Variants in SPATA16 observed in about 807,000 individuals in gnomAD.
SPATA16 encodes spermatogenesis-associated protein 16.
In SPATA16, 36 loss-of-function variants were observed where a neutral mutation model predicts 63.3. That is an observed-to-expected ratio of 0.57 (90% CI 0.44 to 0.75). The LOEUF (loss-of-function observed/expected upper bound fraction) is 0.75. SPATA16 is among the 30% of genes least tolerant of loss of function. The pLI, the probability that SPATA16 is intolerant of heterozygous loss-of-function variation, is 0.00. For missense variants in SPATA16, 646 were observed against 679.3 expected, an observed-to-expected ratio of 0.95 and a Z score of 0.54; for synonymous variants, 203 against 216.7, an observed-to-expected ratio of 0.94 and a Z score of 0.56.
At chr3:173,036,117 T>C (rs544593283) in intron 3 of SPATA16, among the ~76,000 whole-genome samples, 4 of 152,154 alleles carry the variant, frequency 2.6e-5, no homozygotes, top group African/African-American at 9.6e-5. Context: ...ATTGTTTACA[T>C]TTGTGAGCTG....
intron 2 of SPATA16, among the ~76,000 whole-genome samples, chr3:173,078,151 T>A (rs1224876473): frequency 6.6e-6 from 1 of 152,168 alleles, no homozygotes; most frequent in Non-Finnish European, 1.5e-5. Context: ...TAAAAAAAAT[T>A]GGGCTTGAGA....
intron 8 of SPATA16, among the ~76,000 whole-genome samples, chr3:172,917,311 A>G (rs1355224841): frequency 6.6e-6 from 1 of 152,238 alleles, no homozygotes; most frequent in Non-Finnish European, 1.5e-5. Flanking sequence ...TATCTTTAAG[A>G]AAAAGTACTT....
chr3:172,921,661 G>T (rs1732617763), intron 8 of SPATA16, among the ~76,000 whole-genome samples: 1 of 152,068 alleles, frequency 6.6e-6, no homozygotes, highest in African/African-American at 2.4e-5. Context: ...AAAAAAGAAG[G>T]TCTGTAAAAC....
intron 5 of SPATA16, among the ~76,000 whole-genome samples, chr3:172,964,354 A>G (rs983430257): frequency 1.3e-5 from 2 of 152,214 alleles, no homozygotes; most frequent in African/African-American, 4.8e-5. Context: ...TAGACCCTGA[A>G]TAATTTTCTG....
intron 8 of SPATA16, among the ~76,000 whole-genome samples, chr3:172,922,914 T>C (rs1732645070): frequency 6.6e-6 from 1 of 151,754 alleles, no homozygotes. Flanking sequence ...AGGGTGAGAC[T>C]CTGCCTCAAA....
intron 3 of SPATA16, among the ~76,000 whole-genome samples, chr3:173,034,701 A>G (rs1480772817): frequency 6.6e-6 from 1 of 152,176 alleles, no homozygotes; most frequent in African/African-American, 2.4e-5. Flanking sequence ...CAGCCCAGCT[A>G]AACCACCAGG....
At chr3:173,085,607 A>C (rs1577166700) in intron 2 of SPATA16, among the ~76,000 whole-genome samples, 3 of 152,080 alleles carry the variant, frequency 2.0e-5, no homozygotes. Context: ...TTTCAAGGGG[A>C]ATGCTTCCAG....
intron 4 of SPATA16, among the ~76,000 whole-genome samples, chr3:172,986,951 A>G (rs552056501): frequency 1.3e-5 from 2 of 152,342 alleles, no homozygotes; most frequent in Non-Finnish European, 2.9e-5. Context: ...GGACAAAGTC[A>G]ACTAACAAGG....
chr3:172,940,364 A>G (rs1245621752), intron 6 of SPATA16, among the ~76,000 whole-genome samples: 1 of 152,334 alleles, frequency 6.6e-6, no homozygotes, highest in Admixed American at 6.5e-5. Context: ...TCAGAATTGA[A>G]TTGAATCTTT....
chr3:172,891,485 C>T (rs1186441876), intron 10 of SPATA16, among the ~76,000 whole-genome samples: 5 of 152,212 alleles, frequency 3.3e-5, no homozygotes, highest in Non-Finnish European at 7.3e-5. Context: ...CCTACCTGGC[C>T]TGTCTCCCTC....
At chr3:173,100,385 G>C (rs1441686384) in intron 2 of SPATA16, among the ~76,000 whole-genome samples, 1 of 151,930 alleles carries the variant, frequency 6.6e-6, no homozygotes, top group African/African-American at 2.4e-5. Flanking sequence ...ATTGCTGAAT[G>C]AAATTTTAAA....
intron 2 of SPATA16, among the ~76,000 whole-genome samples, chr3:173,077,699 A>C (rs1462958912): frequency 6.6e-6 from 1 of 152,212 alleles, no homozygotes; most frequent in African/African-American, 2.4e-5. Context: ...TCTCTCACCA[A>C]CTAATACCCT....
chr3:173,056,286 TTTTG>T (rs765259641), intron 2 of SPATA16, among the ~76,000 whole-genome samples: 23 of 152,340 alleles, frequency 1.5e-4, no homozygotes, highest in Non-Finnish European at 2.9e-4. Context: ...TCATTTTTGT[TTTTG>T]TTTTTCTTAA....
intron 2 of SPATA16, among the ~76,000 whole-genome samples, chr3:173,100,279 C>T (rs749425409): frequency 6.6e-6 from 1 of 151,994 alleles, no homozygotes; most frequent in South Asian, 2.1e-4. Context: ...TTTTCATAAC[C>T]CAAATAAGTA....
chr3:173,101,914 C>A (rs527422471), intron 2 of SPATA16, among the ~76,000 whole-genome samples: 12 of 152,292 alleles, frequency 7.9e-5, no homozygotes, highest in Non-Finnish European at 1.8e-4. Context: ...CCAGCCCAGA[C>A]CCACAATCCA....
chr3:173,117,166 T>C lies in SPATA16; in HGVS notation c.566A>G (p.Gln189Arg). The change falls in exon 2 of 11, where the codon CAA becomes CGA. Residue 189 changes from glutamine (Q) to arginine (R), a missense_variant. Transcript: ENST00000351008. ...ALKDASSCYR[Q>R]KKYALAAGQF... The stretch of plus-strand genomic sequence containing the variant: ...TCCTGCTGCCAAGGCGTATTTCTTT[T>C]GTCTATAGCAAGAGCTGGCATCCTT... 1 of 1,614,124 alleles carries C rather than the reference T, an allele frequency of 6.2e-7. No homozygotes were observed. Among genetic ancestry groups the C allele is most frequent in the East Asian group, 2.2e-5 (1 of 44,876 alleles).
At chr3:173,083,202 A>C (rs558882984) in intron 2 of SPATA16, among the ~76,000 whole-genome samples, 9 of 152,066 alleles carry the variant, frequency 5.9e-5, no homozygotes, top group Non-Finnish European at 1.2e-4. Flanking sequence ...GAAAATGAAA[A>C]ATTATTTTAA....
At chr3:173,095,106 G>A (rs1000118553) in intron 2 of SPATA16, among the ~76,000 whole-genome samples, 1 of 152,048 alleles carries the variant, frequency 6.6e-6, no homozygotes, top group Non-Finnish European at 1.5e-5. Flanking sequence ...TTACTAGTAG[G>A]GTGATCTTTA....
chr3:173,024,410 A>T (rs1012844862), intron 3 of SPATA16, among the ~76,000 whole-genome samples: 16 of 151,384 alleles, frequency 1.1e-4, no homozygotes, highest in Admixed American at 1.1e-3. Context: ...GTATCATTCT[A>T]TGTGTTATTT....
Sources: gnomAD v4.1 joint callset for allele counts (sites outside exome capture counted in the v4.1 genomes callset) on GRCh38, gnomAD v4.1.1 for gene constraint, MANE v1.5 for transcripts, NCBI Gene and HGNC (gene_info 2026-07-23, HGNC 2026-07-21) for gene names.